The following TUBGCP5 variants were observed in gnomAD, a reference collection of about 807,000 sequenced individuals.
The protein encoded by TUBGCP5 is tubulin gamma complex component 5.
TUBGCP5 carries 98 observed loss-of-function variants against 134.7 expected under a neutral mutation model. The ratio of observed to expected loss-of-function variants is 0.73; its 90% confidence interval spans 0.62 to 0.86. TUBGCP5 has a LOEUF of 0.86. TUBGCP5 is among the 40% of genes least tolerant of loss of function. The pLI is 0.00. For missense variants in TUBGCP5, 1,150 were observed against 1,244.8 expected (o/e 0.92, Z 1.15); for synonymous variants, 456 against 431.4 (o/e 1.06, Z -0.71).
At chr15:22,988,375 G>T (rs1365937926) in intron 23 of TUBGCP5, among the ~76,000 whole-genome samples, 1 of 151,924 alleles carries the variant, frequency 6.6e-6, no homozygotes, top group Non-Finnish European at 1.5e-5. Context: ...GAATGGTGGA[G>T]GCAAGGCCCT....
chr15:22,987,455 C>A (rs1405266336), intron 23 of TUBGCP5, among the ~76,000 whole-genome samples: 1 of 151,982 alleles, frequency 6.6e-6, no homozygotes. Flanking sequence ...CCAGCAAATA[C>A]CTGTGTCAAA....
intron 10 of TUBGCP5, 64 bp downstream of exon 10, chr15:23,023,883 C>G (rs908160520): frequency 5.3e-6 from 8 of 1,523,182 alleles, no homozygotes; most frequent in Non-Finnish European, 7.1e-6. Context: ...ATAATAAAAA[C>G]TCTAAGTGGC....
At chr15:23,016,969 G>GATATATATATATATGTATAT (rs1567132229) in intron 13 of TUBGCP5, among the ~76,000 whole-genome samples, 1 of 109,394 alleles carries the variant, frequency 9.1e-6, no homozygotes, top group African/African-American at 3.6e-5. Context: ...AAAATTGTGA[G>GATATATATATATATGTATAT]ATATATATAT....
At chr15:23,034,115 T>C (rs922732995) in intron 3 of TUBGCP5, among the ~76,000 whole-genome samples, 3 of 152,202 alleles carry the variant, frequency 2.0e-5, no homozygotes, top group African/African-American at 7.2e-5. Context: ...CATGTTGTAC[T>C]AGTCTGTTTA....
downstream of TUBGCP5, among the ~76,000 whole-genome samples, chr15:22,998,991 CT>C (rs1567092289): frequency 3.2e-4 from 49 of 152,208 alleles, 2 homozygotes; most frequent in South Asian, 9.3e-3. Flanking sequence ...AACTGCTGGC[CT>C]CAAGGAATCC....
chr15:23,016,906 A>T (rs550386682), intron 13 of TUBGCP5, among the ~76,000 whole-genome samples: 1 of 149,964 alleles, frequency 6.7e-6, no homozygotes, highest in South Asian at 2.1e-4. Flanking sequence ...CACTATTCAC[A>T]CAGCCAAGAC....
At position 23,036,995 on chromosome 15, in the gene TUBGCP5, T is replaced by C. The variant is rs773235533; in HGVS notation, c.211A>G (p.Lys71Glu). The change falls in exon 3 of 23, where the codon AAA becomes GAA. Residue 71 changes from lysine (K) to glutamate (E), a missense_variant. Coordinates refer to ENST00000615383, the MANE Select transcript of TUBGCP5 (RefSeq NM_052903.6). ...IEKTIEGIYEKFVIHSDLSKA... is the reference protein window; with the variant it reads ...IEKTIEGIYEEFVIHSDLSKA... The stretch of plus-strand genomic sequence containing the variant: ...CTTAGATCAGAATGAATGACAAATT[T>C]TTCATAAATTCTAAAATATAAGAAA... The C allele has an allele frequency of 1.3e-6, 2 of 1,598,264 alleles. No individual in the cohort carries two copies. Among genetic ancestry groups the C allele is most frequent in the Non-Finnish European group, 1.7e-6 (2 of 1,174,836 alleles).
At chr15:23,016,969 G>GAGATATATATATATATAT (rs1555439437) in intron 13 of TUBGCP5, among the ~76,000 whole-genome samples, 1 of 109,394 alleles carries the variant, frequency 9.1e-6, no homozygotes, top group African/African-American at 3.6e-5. Context: ...AAAATTGTGA[G>GAGATATATATATATATAT]ATATATATAT....
At chr15:22,999,009 C>T (rs1039745005), downstream of TUBGCP5, among the ~76,000 whole-genome samples, 11 of 152,042 alleles carry the variant, frequency 7.2e-5, no homozygotes, top group Admixed American at 1.3e-4. Context: ...ATCCTCTCAC[C>T]TCAGTCTTTC....
rs780122869 is a variant in TUBGCP5 at position 23,008,842 on chromosome 15, T to C, written c.2184A>G (p.Leu728=). ...EYLQAMRNFF[L]MEGGDTMYDF... The stretch of plus-strand genomic sequence containing the variant: ...CATACATGGTATCTCCTCCTTCCAT[T>C]AAGAAAAAATTCCTCATAGCTTGCA... The change falls in exon 16 of 23, where the codon TTA becomes TTG. Residue 728 remains leucine (L), a synonymous_variant. Transcript: ENST00000615383. The C allele has an allele frequency of 1.9e-6, 3 of 1,578,224 alleles. 1 individual carries two copies. In the South Asian group the frequency reaches 3.6e-5, roughly 19 times the overall value.
intron 13 of TUBGCP5, among the ~76,000 whole-genome samples, chr15:23,016,725 G>A (rs1015830296): frequency 4.6e-5 from 7 of 151,792 alleles, no homozygotes; most frequent in African/African-American, 1.7e-4. Context: ...CTTACACAAT[G>A]TTGGTGGGAA....
Position 23,030,926 on chromosome 15 carries a change from T to C in TUBGCP5, c.581A>G (p.Gln194Arg). Residue 194 changes from glutamine (Q) to arginine (R), a missense_variant, in exon 6 of 23, where the codon CAA (glutamine) becomes CGA (arginine). Physicochemically the swap from Gln to Arg is conservative, Grantham distance 43. Coordinates refer to ENST00000615383, the MANE Select transcript of TUBGCP5 (RefSeq NM_052903.6). The part of the protein sequence containing the change: ...IQVDRTPLEE[Q>R]DQNRKLDPCI... ...AGGATCCAGTTTTCTGTTTTGATCT[T>C]GTTCTTCTAACGGTGTCCTGTCTAC... The C allele has an allele frequency of 6.2e-7, 1 of 1,613,672 alleles. No individual in the cohort carries two copies. Among genetic ancestry groups the C allele is most frequent in the African/African-American group, 1.3e-5 (1 of 75,002 alleles).
chr15:23,005,930 C>G, intron 18 of TUBGCP5, 122 bp downstream of exon 18: 1 of 1,095,068 alleles, frequency 9.1e-7, no homozygotes, highest in Non-Finnish European at 1.2e-6. Flanking sequence ...AAAAAATGAT[C>G]AACAACCACC....
chr15:23,015,050 C>G (rs911772606), intron 13 of TUBGCP5, among the ~76,000 whole-genome samples: 2 of 152,124 alleles, frequency 1.3e-5, no homozygotes, highest in Admixed American at 1.3e-4. Flanking sequence ...ATCTGAGAAA[C>G]AGTCCAGCAA....
chr15:23,026,879 G>A (rs1283396900), intron 7 of TUBGCP5, among the ~76,000 whole-genome samples: 1 of 152,118 alleles, frequency 6.6e-6, no homozygotes, highest in Non-Finnish European at 1.5e-5. Context: ...GTTACAGTGA[G>A]CCATGATTAC....
intron 13 of TUBGCP5, among the ~76,000 whole-genome samples, chr15:23,011,950 T>C (rs2065057990): frequency 1.3e-5 from 2 of 151,328 alleles, no homozygotes; most frequent in South Asian, 4.2e-4. Context: ...ACCTCAGCTC[T>C]ACAAAAAAAT....
intron 13 of TUBGCP5, among the ~76,000 whole-genome samples, chr15:23,012,289 AATAAGTATTGCAT>A (rs2065083416): frequency 6.6e-6 from 1 of 152,186 alleles, no homozygotes; most frequent in Non-Finnish European, 1.5e-5. Context: ...ACAAAGTGAA[AATAAGTATTGCAT>A]CTACTTATTT....
At chr15:23,029,795 TG>T (rs2066199972) in intron 6 of TUBGCP5, among the ~76,000 whole-genome samples, 1 of 151,672 alleles carries the variant, frequency 6.6e-6, no homozygotes, top group African/African-American at 2.4e-5. Context: ...GCAGGAGAAT[TG>T]TTTGAACCTG....
At chr15:23,026,948 G>T (rs149108397) in intron 7 of TUBGCP5, among the ~76,000 whole-genome samples, 1 of 151,940 alleles carries the variant, frequency 6.6e-6, no homozygotes, top group Admixed American at 6.6e-5. Context: ...GCAAAAAAAA[G>T]TAAAATAAAA....
Sources: allele counts gnomAD v4.1 joint callset (sites outside exome capture counted in the v4.1 genomes callset), GRCh38; gene constraint gnomAD v4.1.1; transcripts MANE v1.5; gene names NCBI Gene and HGNC (gene_info 2026-07-23, HGNC 2026-07-21).